The following RBFOX1 variants were observed in gnomAD, a reference collection of about 807,000 sequenced individuals.
RBFOX1 encodes the protein RNA binding fox-1 homolog 1, also known as RNA binding protein fox-1 homolog 1.
In RBFOX1, 8 loss-of-function variants were observed where a neutral mutation model predicts 57.7. The ratio of observed to expected loss-of-function variants is 0.14; its 90% CI spans 0.08 to 0.25. RBFOX1 has a LOEUF of 0.25. Ranked by LOEUF, RBFOX1 falls within the 10% of genes least tolerant of loss-of-function variation. The pLI, the probability that RBFOX1 is intolerant of heterozygous loss-of-function variation, is 1.00. For synonymous variants in RBFOX1, 326 were observed against 222.4 expected, an observed-to-expected ratio of 1.47 and a Z score of -4.15; for missense variants, 611 against 548.5, an observed-to-expected ratio of 1.11 and a Z score of -1.14.
At chr16:7,424,176 T>A (rs972153826) in intron 4 of RBFOX1, among the ~76,000 whole-genome samples, 3 of 151,994 alleles carry the variant, frequency 2.0e-5, no homozygotes, top group Non-Finnish European at 4.4e-5. Flanking sequence ...AGTAGCAGAT[T>A]TTTGTCATTT....
chr16:6,154,323 A>G (rs2096823796), intron 1 of RBFOX1, among the ~76,000 whole-genome samples: 1 of 152,238 alleles, frequency 6.6e-6, no homozygotes, highest in African/African-American at 2.4e-5. Context: ...AGTTAGTATA[A>G]AGATAATGGT....
At chr16:5,440,965 C>T (rs571376070) in intron 1 of RBFOX1, among the ~76,000 whole-genome samples, 83 of 152,170 alleles carry the variant, frequency 5.5e-4, no homozygotes, top group Non-Finnish European at 1.1e-3. Flanking sequence ...TTCTCCCAAG[C>T]AGCAAACTCC....
intron 3 of RBFOX1, among the ~76,000 whole-genome samples, chr16:6,943,154 C>G (rs373424361): frequency 6.6e-6 from 1 of 152,190 alleles, no homozygotes; most frequent in East Asian, 1.9e-4. Context: ...TTGCTAATGG[C>G]TACCAGCTCT....
At chr16:7,269,083 G>A (rs1011059543) in intron 4 of RBFOX1, among the ~76,000 whole-genome samples, 2 of 145,692 alleles carry the variant, frequency 1.4e-5, no homozygotes, top group Admixed American at 6.8e-5. Context: ...ATCAGCCTCT[G>A]GATCACATTA....
chr16:7,020,386 C>G (rs1433749373), intron 3 of RBFOX1, among the ~76,000 whole-genome samples: 4 of 151,912 alleles, frequency 2.6e-5, no homozygotes, highest in African/African-American at 4.8e-5. Flanking sequence ...TGCCCAGCTA[C>G]TTTTTTGTAG....
intron 2 of RBFOX1, among the ~76,000 whole-genome samples, chr16:6,530,770 A>G (rs1380033906): frequency 7.1e-6 from 1 of 141,260 alleles, no homozygotes; most frequent in African/African-American, 2.5e-5. Flanking sequence ...CCCCCATCTC[A>G]TGAGACTTAT....
chr16:7,332,106 A>T (rs1335362586), intron 4 of RBFOX1, among the ~76,000 whole-genome samples: 1 of 152,244 alleles, frequency 6.6e-6, no homozygotes, highest in Non-Finnish European at 1.5e-5. Context: ...GTTATTACAG[A>T]CTGAAATACA....
At chr16:7,687,851 T>C (rs1598112675) in intron 14 of RBFOX1, among the ~76,000 whole-genome samples, 1 of 152,018 alleles carries the variant, frequency 6.6e-6, no homozygotes, top group Non-Finnish European at 1.5e-5. Context: ...CAGAGAGGTA[T>C]TCATACAGTG....
chr16:6,684,943 G>T (rs1483367889), intron 3 of RBFOX1, among the ~76,000 whole-genome samples: 1 of 152,084 alleles, frequency 6.6e-6, no homozygotes, highest in Non-Finnish European at 1.5e-5. Flanking sequence ...TTTACTTAGG[G>T]TGATCTTCAA....
intron 4 of RBFOX1, among the ~76,000 whole-genome samples, chr16:7,403,907 A>T (rs531052060): frequency 1.7e-3 from 247 of 149,232 alleles, no homozygotes; most frequent in African/African-American, 3.7e-3. Context: ...ATTAAATATT[A>T]TTCTTTTATA....
chr16:6,520,345 A>G (rs866046124), intron 2 of RBFOX1, among the ~76,000 whole-genome samples: 4 of 152,310 alleles, frequency 2.6e-5, no homozygotes, highest in Middle Eastern at 3.4e-3. Context: ...TGAGGAATTC[A>G]GATTTGTCTA....
intron 14 of RBFOX1, among the ~76,000 whole-genome samples, chr16:7,707,645 G>C (rs942804487): frequency 3.3e-5 from 5 of 152,138 alleles, no homozygotes; most frequent in African/African-American, 1.2e-4. Context: ...CCCCATGTCA[G>C]AGGAAGCCAC....
chr16:7,609,071 C>G (rs1206984910), intron 10 of RBFOX1, among the ~76,000 whole-genome samples: 1 of 152,168 alleles, frequency 6.6e-6, no homozygotes, highest in African/African-American at 2.4e-5. Flanking sequence ...ATCAAATACT[C>G]CAAATGGTTG....
At chr16:7,096,374 G>T (rs959432241) in intron 4 of RBFOX1, among the ~76,000 whole-genome samples, 3 of 152,090 alleles carry the variant, frequency 2.0e-5, no homozygotes, top group African/African-American at 4.8e-5. Flanking sequence ...CAATTTCTCG[G>T]ACCTATTTTT....
intron 1 of RBFOX1, among the ~76,000 whole-genome samples, chr16:5,466,760 G>T (rs182606174): frequency 6.6e-6 from 1 of 152,140 alleles, no homozygotes; most frequent in African/African-American, 2.4e-5. Flanking sequence ...CCTAGAGCTT[G>T]TCCATTGTCC....
intron 4 of RBFOX1, among the ~76,000 whole-genome samples, chr16:5,977,166 C>G (rs1244958534): frequency 6.6e-6 from 1 of 152,168 alleles, no homozygotes; most frequent in African/African-American, 2.4e-5. Flanking sequence ...ATCTCTGTAG[C>G]TATATTGTGT....
chr16:6,829,213 A>G (rs911882758), intron 3 of RBFOX1, among the ~76,000 whole-genome samples: 1 of 150,866 alleles, frequency 6.6e-6, no homozygotes, highest in African/African-American at 2.4e-5. Flanking sequence ...CCAAAAGAAA[A>G]GCATTTTAAA....
intron 3 of RBFOX1, among the ~76,000 whole-genome samples, chr16:5,683,901 A>C (rs2050423925): frequency 6.6e-6 from 1 of 151,718 alleles, no homozygotes; most frequent in South Asian, 2.1e-4. Flanking sequence ...CTTCCCCTAA[A>C]TCCGTCAGCC....
chr16:7,561,901 T>C (rs2090458353), intron 5 of RBFOX1, among the ~76,000 whole-genome samples: 1 of 152,128 alleles, frequency 6.6e-6, no homozygotes, highest in Admixed American at 6.5e-5. Context: ...TTGAGCTAAG[T>C]GGAATTTAGG....
Sources: gnomAD v4.1 joint callset for allele counts (sites outside exome capture counted in the v4.1 genomes callset) on GRCh38, gnomAD v4.1.1 for gene constraint, MANE v1.5 for transcripts, NCBI Gene and HGNC (gene_info 2026-07-23, HGNC 2026-07-21) for gene names.